The following GSE1 variants were observed in gnomAD, a reference collection of about 807,000 sequenced individuals.
GSE1 encodes the protein genetic suppressor element 1.
GSE1 carries 32 observed loss-of-function variants against 112.6 expected under a neutral mutation model. The observed-to-expected ratio is 0.28, with a 90% CI of 0.21 to 0.38. The LOEUF is 0.38. GSE1 is among the 10% of genes least tolerant of loss of function. GSE1 has a pLI of 1.00. For synonymous variants in GSE1, 1,115 were observed against 735.6 expected (o/e 1.52, Z -8.35); for missense variants, 2,348 against 1,699.2 (o/e 1.38, Z -6.71).
intron 1 of GSE1, among the ~76,000 whole-genome samples, chr16:85,237,407 G>A (rs776544776): frequency 1.2e-4 from 18 of 152,130 alleles, no homozygotes; most frequent in Non-Finnish European, 2.1e-4. Flanking sequence ...AGCTGAGCAC[G>A]GTGCCCGCTG....
chr16:85,355,747 G>A (rs2046937563), intron 1 of GSE1, among the ~76,000 whole-genome samples: 1 of 152,206 alleles, frequency 6.6e-6, no homozygotes, highest in South Asian at 2.1e-4. Flanking sequence ...GTGGCCAGGT[G>A]CAGGGGCTCA....
chr16:85,403,093 G>GC (rs371456459), intron 2 of GSE1, among the ~76,000 whole-genome samples: 3,017 of 151,840 alleles, frequency 0.02, 101 homozygotes, highest in African/African-American at 0.068. Context: ...ATGGTTGCTG[G>GC]GGGGGGACTC....
At chr16:85,466,566 C>T (rs1451530276) in intron 2 of GSE1, among the ~76,000 whole-genome samples, 1 of 152,144 alleles carries the variant, frequency 6.6e-6, no homozygotes, top group Non-Finnish European at 1.5e-5. Flanking sequence ...GCCAGGTGGC[C>T]ATGCCTTTGG....
chr16:85,219,441 C>T (rs576873563), intron 1 of GSE1, among the ~76,000 whole-genome samples: 40 of 152,362 alleles, frequency 2.6e-4, no homozygotes, highest in African/African-American at 7.9e-4. Flanking sequence ...AGACCTACCG[C>T]ATGAAGCTGC....
At chr16:85,273,384 G>C (rs1274703347) in intron 1 of GSE1, among the ~76,000 whole-genome samples, 1 of 152,248 alleles carries the variant, frequency 6.6e-6, no homozygotes, top group Non-Finnish European at 1.5e-5. Context: ...ATGCATAGCA[G>C]CCAAAAGGTG....
At chr16:85,560,128 C>CTTTTTTTTTTTTTTT (rs377241566) in intron 1 of GSE1, among the ~76,000 whole-genome samples, 1 of 99,162 alleles carries the variant, frequency 1.0e-5, no homozygotes, top group Non-Finnish European at 1.9e-5. Context: ...TCTTCTTCTT[C>CTTTTTTTTTTTTTTT]TTTTTTTTTT....
chr16:85,243,185 C>CATTTAAGTGCCA (rs1905296658), intron 1 of GSE1, among the ~76,000 whole-genome samples: 1 of 152,244 alleles, frequency 6.6e-6, no homozygotes, highest in Non-Finnish European at 1.5e-5. Flanking sequence ...GGTCCTGATA[C>CATTTAAGTGCCA]AAATGACCAC....
chr16:85,201,104 G>C (rs960222256), intron 1 of GSE1, among the ~76,000 whole-genome samples: 4 of 152,168 alleles, frequency 2.6e-5, no homozygotes, highest in East Asian at 1.9e-4. Context: ...ACAGGGTCTT[G>C]CTCTGTTGCC....
chr16:85,243,689 GGT>G (rs1320537792), intron 1 of GSE1, among the ~76,000 whole-genome samples: 1 of 152,226 alleles, frequency 6.6e-6, no homozygotes, highest in Non-Finnish European at 1.5e-5. Flanking sequence ...TGTCCTGGCA[GGT>G]GAGCATGTGT....
intron 1 of GSE1, among the ~76,000 whole-genome samples, chr16:85,196,707 A>C (rs1478005142): frequency 6.6e-6 from 1 of 152,250 alleles, no homozygotes; most frequent in East Asian, 1.9e-4. Flanking sequence ...GCGACATGCT[A>C]TCCTTCTTTG....
chr16:85,566,023 C>CT lies in GSE1; in HGVS notation c.37+9661dup, dbSNP rs1171262671. Among the ~76,000 whole-genome samples, 2 of 152,172 alleles carry CT rather than the reference C, an allele frequency of 1.3e-5. 1 individual carries two copies. The highest frequency in any genetic ancestry group is 4.8e-5 in the African/African-American group (2 of 41,432). On this transcript the variant is annotated intron_variant, in intron 1 of 2. Transcript: ENST00000635906. ...CAGGTTCCTTACCCTCTCTGGATCT[C>CT]TGTTTTCTCATCTGCTAAATGGGGC...
intron 1 of GSE1, among the ~76,000 whole-genome samples, chr16:85,225,074 T>A (rs772573462): frequency 6.6e-6 from 1 of 151,868 alleles, no homozygotes; most frequent in African/African-American, 2.4e-5. Flanking sequence ...GAAGTTGCAG[T>A]GAGCCGAGAT....
Position 85,587,924 on chromosome 16 carries a change from C to G in GSE1, c.37+31561C>G, listed in dbSNP as rs1028340384. Among the ~76,000 whole-genome samples, 5 of 152,182 alleles carry G rather than the reference C, an allele frequency of 3.3e-5. No homozygotes were observed. In the East Asian group the frequency reaches 7.7e-4, roughly 23 times the overall value. On this transcript the variant is annotated intron_variant, in intron 1 of 2. Transcript: ENST00000635906. ...AGGCAGGCACCACCTTGCTTCAGCC[C>G]CTGCCTTGCCGGGCTGGTTGTTAAA...
chr16:85,330,278 G>A (rs2046310422), intron 1 of GSE1, among the ~76,000 whole-genome samples: 1 of 152,340 alleles, frequency 6.6e-6, no homozygotes, highest in East Asian at 1.9e-4. Flanking sequence ...TGCTGCAGGA[G>A]AGGAAGTGGG....
intron 1 of GSE1, among the ~76,000 whole-genome samples, chr16:85,597,990 A>G (rs1316230932): frequency 6.6e-6 from 1 of 152,058 alleles, no homozygotes; most frequent in Non-Finnish European, 1.5e-5. Context: ...GTGGAATGGT[A>G]GAGAGGAGAG....
At chr16:85,260,707 C>G (rs1268124487) in intron 1 of GSE1, among the ~76,000 whole-genome samples, 3 of 152,230 alleles carry the variant, frequency 2.0e-5, no homozygotes, top group Non-Finnish European at 2.9e-5. Context: ...CCTTTCTGGC[C>G]CCCCGTGCTC....
intron 1 of GSE1, among the ~76,000 whole-genome samples, chr16:85,620,884 A>G (rs1016280510): frequency 2.0e-5 from 3 of 151,468 alleles, no homozygotes; most frequent in Admixed American, 2.0e-4. Flanking sequence ...ACCCGTTTAG[A>G]GGGTCTCGGC....
intron 2 of GSE1, among the ~76,000 whole-genome samples, chr16:85,544,472 A>G (rs886749682): frequency 1.3e-5 from 2 of 152,192 alleles, no homozygotes; most frequent in African/African-American, 2.4e-5. Context: ...GCAATAGGAA[A>G]GGAAGTGGCT....
chr16:85,186,025 G>A (rs2074693442), intron 1 of GSE1, among the ~76,000 whole-genome samples: 1 of 152,226 alleles, frequency 6.6e-6, no homozygotes, highest in Non-Finnish European at 1.5e-5. Context: ...AAGCCAGCGC[G>A]AGAGACCACG....
Sources: allele counts gnomAD v4.1 joint callset (sites outside exome capture counted in the v4.1 genomes callset), GRCh38; gene constraint gnomAD v4.1.1; transcripts MANE v1.5; gene names NCBI Gene and HGNC (gene_info 2026-07-23, HGNC 2026-07-21).